The following CEP162 variants were observed in gnomAD, a reference collection of about 807,000 sequenced individuals.
CEP162 encodes the protein centrosomal protein 162.
Under a neutral mutation model 169.2 loss-of-function variants are expected in CEP162, and 141 were observed. The observed-to-expected ratio is 0.83, with a 90% CI of 0.73 to 0.96. The LOEUF is 0.96. Ranked by LOEUF, CEP162 falls within the 40% of genes least tolerant of loss-of-function variation. The pLI is 0.00. For synonymous variants in CEP162, 540 were observed against 526.4 expected, an observed-to-expected ratio of 1.03 and a Z score of -0.35; for missense variants, 1,600 against 1,587.2, an observed-to-expected ratio of 1.01 and a Z score of -0.14.
chr6:84,165,020 A>G (rs1311885876), intron 18 of CEP162, among the ~76,000 whole-genome samples: 1 of 151,888 alleles, frequency 6.6e-6, no homozygotes, highest in Non-Finnish European at 1.5e-5. Context: ...TTCTAGCCAG[A>G]GACCTCCTTG....
At chr6:84,168,015 G>C (rs1165053468) in intron 18 of CEP162, among the ~76,000 whole-genome samples, 1 of 152,016 alleles carries the variant, frequency 6.6e-6, no homozygotes, top group African/African-American at 2.4e-5. Context: ...TTGAGAGCAT[G>C]GTTATCCATT....
chr6:84,225,770 T>C (rs972655343), intron 2 of CEP162, among the ~76,000 whole-genome samples: 1 of 151,430 alleles, frequency 6.6e-6, no homozygotes, highest in Non-Finnish European at 1.5e-5. Flanking sequence ...GACTTTGTGT[T>C]TACCTTTTAC....
At chr6:84,165,318 G>T (rs767103344) in intron 18 of CEP162, among the ~76,000 whole-genome samples, 2 of 151,472 alleles carry the variant, frequency 1.3e-5, no homozygotes, top group African/African-American at 4.9e-5. Flanking sequence ...AAAATGCTTG[G>T]GACATCAAAA....
chr6:84,169,700 T>C (rs1209911879), intron 17 of CEP162, among the ~76,000 whole-genome samples: 3 of 152,154 alleles, frequency 2.0e-5, no homozygotes, highest in African/African-American at 7.2e-5. Context: ...TAATTCCCAA[T>C]TCTCAGAGGA....
chr6:84,194,976 T>C lies in CEP162; in HGVS notation c.935A>G (p.Glu312Gly), dbSNP rs777367550. The change falls in exon 10 of 27, where the codon GAG (glutamate) becomes GGG (glycine). Residue 312 changes from glutamate (E) to glycine (G), a missense_variant. Physicochemically the swap from Glu to Gly is moderately conservative, Grantham distance 98 (BLOSUM62 -2). Transcript: ENST00000403245. ...CTTGATATCTTCCACTGTGTTACTC[T>C]CAATTTTTTGTTTGTCTTCATCTCC... ...SLGDEDKQKI[E>G]SNTVEDIKSS... 1.9e-6 allele frequency: 3 copies of C among 1,613,612 alleles called. No individual in the cohort carries two copies. The highest frequency in any genetic ancestry group is 1.1e-5 in the South Asian group (1 of 90,988).
chr6:84,217,362 G>T (rs1465984192), intron 3 of CEP162, among the ~76,000 whole-genome samples: 2 of 152,206 alleles, frequency 1.3e-5, no homozygotes, highest in African/African-American at 4.8e-5. Context: ...GGATGGTCAG[G>T]AAGGCTTTCA....
At chr6:84,164,369 A>G (rs1049769222) in intron 18 of CEP162, among the ~76,000 whole-genome samples, 1 of 152,230 alleles carries the variant, frequency 6.6e-6, no homozygotes, top group Middle Eastern at 3.2e-3. Context: ...AAAGGATTAT[A>G]AATCATTCTA....
intron 21 of CEP162, among the ~76,000 whole-genome samples, chr6:84,155,838 T>C (rs906424596): frequency 3.9e-5 from 6 of 152,092 alleles, no homozygotes; most frequent in Non-Finnish European, 7.4e-5. Flanking sequence ...TCAATCCCTA[T>C]CAAATTACCA....
rs190839287 is a variant in CEP162 at position 84,170,287 on chromosome 6, T to C, written c.2280-854A>G. ...TACTCGGGAGGCTGAGGCAGGAGAATGGCATGAACCTGGGAGGCAGAGCTT... is the reference window on the plus strand; with the variant it reads ...TACTCGGGAGGCTGAGGCAGGAGAACGGCATGAACCTGGGAGGCAGAGCTT... On this transcript the variant is annotated intron_variant, in intron 17 of 26. Coordinates refer to ENST00000403245, the MANE Select transcript of CEP162 (RefSeq NM_014895.4). Among the ~76,000 whole-genome samples, 7 of 137,778 alleles carry C rather than the reference T, an allele frequency of 5.1e-5. No individual in the cohort carries two copies. In the East Asian group the frequency reaches 1.5e-3, roughly 29 times the overall value. The allele number at this position is 137,778 out of a possible 152,430, so 90.4% of individuals were successfully genotyped here.
chr6:84,197,945 T>G (rs73485366), intron 9 of CEP162, among the ~76,000 whole-genome samples: 1 of 151,910 alleles, frequency 6.6e-6, no homozygotes, highest in African/African-American at 2.4e-5. Flanking sequence ...AATGCAGACA[T>G]AGCACAAAAT....
chr6:84,207,903 C>T (rs548344379), intron 6 of CEP162, among the ~76,000 whole-genome samples: 43 of 151,926 alleles, frequency 2.8e-4, no homozygotes, highest in Middle Eastern at 3.4e-3. Context: ...TAAAATAAGA[C>T]TTTAATATTT....
intron 24 of CEP162, among the ~76,000 whole-genome samples, chr6:84,148,158 G>A (rs2099519754): frequency 6.6e-6 from 1 of 152,076 alleles, no homozygotes; most frequent in Non-Finnish European, 1.5e-5. Context: ...TGTATGGATT[G>A]TTACTTACGA....
rs139092088 is a variant in CEP162 at position 84,174,781 on chromosome 6, T to C, written c.1971A>G (p.Gln657=). The C allele has an allele frequency of 2.5e-4, 391 of 1,569,972 alleles. 1 individual carries two copies. In the African/African-American group the frequency reaches 4.7e-3, roughly 19 times the overall value. The change falls in exon 15 of 27, where the codon CAA becomes CAG. Residue 657 remains glutamine, a synonymous_variant. Coordinates refer to ENST00000403245, the MANE Select transcript of CEP162 (RefSeq NM_014895.4). ...TCAATTTGAAGAGTTCTTTTTCCTG[T>C]TGTTTCTTTAGTTCTTCCAACTTAT... ...LENKLEELKK[Q]QEKELFKLNQ...
chr6:84,177,435 T>C (rs1369818388), intron 13 of CEP162, among the ~76,000 whole-genome samples: 1 of 152,220 alleles, frequency 6.6e-6, no homozygotes. Flanking sequence ...ACGTGGCCTG[T>C]ATGTGGCAGG....
At chr6:84,178,001 C>T (rs1240878716) in intron 13 of CEP162, among the ~76,000 whole-genome samples, 2 of 152,074 alleles carry the variant, frequency 1.3e-5, no homozygotes, top group African/African-American at 2.4e-5. Context: ...TAATGCTGTC[C>T]AAATAAGGGA....
chr6:84,126,977 A>G (rs1400382150), intron 25 of CEP162, among the ~76,000 whole-genome samples: 1 of 152,162 alleles, frequency 6.6e-6, no homozygotes, highest in African/African-American at 2.4e-5. Flanking sequence ...GGCCCTTATC[A>G]CTTTATAATT....
At chr6:84,143,059 T>A (rs72909508) in intron 25 of CEP162, among the ~76,000 whole-genome samples, 5,883 of 152,096 alleles carry the variant, frequency 0.039, 162 homozygotes, top group Non-Finnish European at 0.063. Flanking sequence ...TAAAAAAAAA[T>A]TAGTTACCCA....
chr6:84,190,840 G>A (rs565349115), intron 11 of CEP162, among the ~76,000 whole-genome samples: 23 of 152,280 alleles, frequency 1.5e-4, no homozygotes, highest in Non-Finnish European at 2.6e-4. Context: ...TGCGCCACAC[G>A]CCCAGCTAAT....
At chr6:84,179,285 A>C (rs958725551) in intron 13 of CEP162, among the ~76,000 whole-genome samples, 1 of 152,156 alleles carries the variant, frequency 6.6e-6, no homozygotes, top group Non-Finnish European at 1.5e-5. Context: ...CAACAGTGTA[A>C]AAGTGTTCCT....
Sources: allele counts gnomAD v4.1 joint callset (sites outside exome capture counted in the v4.1 genomes callset), GRCh38; gene constraint gnomAD v4.1.1; transcripts MANE v1.5; gene names NCBI Gene and HGNC (gene_info 2026-07-23, HGNC 2026-07-21).